The following SESN3 variants were observed in gnomAD, a reference collection of about 807,000 sequenced individuals.
The protein encoded by SESN3 is sestrin 3, also known as sestrin-3.
A neutral mutation model predicts 55.3 loss-of-function variants in SESN3; 21 were observed. The observed-to-expected ratio is 0.38, with a 90% CI of 0.27 to 0.55. SESN3 has a LOEUF of 0.55. Among genes scored for constraint, SESN3 ranks in the 20% least tolerant of loss-of-function variants. The pLI, the probability that SESN3 is intolerant of heterozygous loss-of-function variation, is 0.76. For missense variants in SESN3, 408 were observed against 604.3 expected (o/e 0.68, Z 3.41); for synonymous variants, 181 against 203.1 (o/e 0.89, Z 0.93).
chr11:95,170,952 AAC>A lies in SESN3; in HGVS notation c.*2301_*2302del, dbSNP rs1859838586. 6.6e-6 allele frequency: 1 copy of A among 152,190 alleles called. No homozygotes were observed. The highest frequency in any genetic ancestry group is 2.1e-4 in the South Asian group (1 of 4,828). 9.4% of individuals were successfully genotyped at this position (152,190 alleles called of 1,614,324 possible). A position where few individuals can be genotyped will look rare whatever the true frequency, so the allele number is the denominator to read the frequency against. On this transcript the variant is annotated 3_prime_UTR_variant, in exon 10 of 10. Coordinates refer to ENST00000536441, the MANE Select transcript of SESN3 (RefSeq NM_144665.4). ...ACTTACATTTCCAGGGAAAAAAATA[AAC>A]ACAAACTAAGTGGCCATTTTAGTTA...
At position 95,189,944 on chromosome 11, in the gene SESN3, C is replaced by G. The variant is rs1591055502; in HGVS notation, c.360G>C (p.Gln120His). The G allele has an allele frequency of 6.2e-7, 1 of 1,605,502 alleles. No homozygotes were observed. The highest frequency in any genetic ancestry group is 8.5e-7 in the Non-Finnish European group (1 of 1,176,446). Residue 120 changes from glutamine (Q) to histidine (H), a missense_variant, in exon 4 of 10, where the codon CAG becomes CAC. By Grantham distance (24) the Gln-to-His change is conservative. Coordinates refer to ENST00000536441, the MANE Select transcript of SESN3 (RefSeq NM_144665.4). The stretch of plus-strand genomic sequence containing the variant: ...CATGCATGTTTATTAAGTAAGAACA[C>G]TGATGTCTAGCTGCAGCCTAAAGCA... The part of the protein sequence containing the change: ...YIAIMAAARH[Q>H]CSYLINMHVD...
intron 9 of SESN3, among the ~76,000 whole-genome samples, chr11:95,173,705 T>A (rs1286880334): frequency 6.6e-6 from 1 of 151,974 alleles, no homozygotes; most frequent in Non-Finnish European, 1.5e-5. Flanking sequence ...TTTTTTTTTT[T>A]AACAGTTTAT....
intron 1 of SESN3, among the ~76,000 whole-genome samples, chr11:95,227,494 A>G (rs952072150): frequency 2.0e-5 from 3 of 152,006 alleles, no homozygotes; most frequent in Admixed American, 6.6e-5. Context: ...GTAAGCCACC[A>G]TGCCCGGTCC....
intron 1 of SESN3, among the ~76,000 whole-genome samples, chr11:95,210,017 C>CAAAAAAAAAAAAAAAAAAAAAAAAAAA: frequency 1.7e-5 from 1 of 60,186 alleles, no homozygotes; most frequent in Non-Finnish European, 3.0e-5. Flanking sequence ...AACTCCATCT[C>CAAAAAAAAAAAAAAAAAAAAAAAAAAA]AAAAAAAAAA....
chr11:95,174,597 C>A (rs1591043412), intron 9 of SESN3, among the ~76,000 whole-genome samples: 1 of 152,190 alleles, frequency 6.6e-6, no homozygotes, highest in East Asian at 1.9e-4. Context: ...GATTCTCCTG[C>A]CTCAGATTCC....
rs1859763737 is a variant in SESN3 at position 95,167,060 on chromosome 11, T to C, written c.*6195A>G. On this transcript the variant is annotated 3_prime_UTR_variant, in exon 10 of 10. Transcript: ENST00000536441. ...ATTTCTTTTTTCTTTTAATCCTTCC[T>C]TATCAGACTTGGGGAGCCAGTTGAA... 6.6e-6 allele frequency: 1 copy of C among 152,194 alleles called. No homozygotes were observed. The highest frequency in any genetic ancestry group is 2.4e-5 in the African/African-American group (1 of 41,456). 9.4% of individuals were successfully genotyped at this position (152,194 alleles called of 1,614,324 possible).
chr11:95,203,231 T>C (rs1287339248), intron 1 of SESN3, among the ~76,000 whole-genome samples: 1 of 152,084 alleles, frequency 6.6e-6, no homozygotes, highest in Non-Finnish European at 1.5e-5. Flanking sequence ...AACACAATGA[T>C]AAAATACAAG....
At position 95,216,750 on chromosome 11, in the gene SESN3, G is replaced by A. The variant is rs182840791; in HGVS notation, c.78+14033C>T. Among the ~76,000 whole-genome samples, 624 of 151,438 alleles carry A rather than the reference G, an allele frequency of 4.1e-3. 4 individuals carry two copies. The highest frequency in any genetic ancestry group is 7.2e-3 in the Non-Finnish European group (486 of 67,852). On this transcript the variant is annotated intron_variant, in intron 1 of 9. Transcript: ENST00000536441. ...TAGATATTAGCAATAATTAGTAAAG[G>A]AGGCAAGATAAAAAAAAAAAACCAC...
chr11:95,178,797 A>G lies in SESN3; in HGVS notation c.969T>C (p.Asp323=). 6.2e-7 allele frequency: 1 copy of G among 1,608,850 alleles called. No homozygotes were observed. Among genetic ancestry groups the G allele is most frequent in the Non-Finnish European group, 8.5e-7 (1 of 1,175,350 alleles). ...DFEDDMIITS[D]VSRYIEDPGF... is the part of the protein sequence containing the mutation. Reference sequence around the variant, plus strand: ...CAGGGTCTTCAATATATCGAGAGACATCAGATGTTATAATCATGTCATCCT... The same window carrying G: ...CAGGGTCTTCAATATATCGAGAGACGTCAGATGTTATAATCATGTCATCCT... The change falls in exon 7 of 10, where the codon GAT becomes GAC. Residue 323 remains aspartate, a synonymous_variant. Coordinates refer to ENST00000536441, the MANE Select transcript of SESN3 (RefSeq NM_144665.4).
At position 95,169,476 on chromosome 11, in the gene SESN3, A is replaced by C. The variant is rs1218111705; in HGVS notation, c.*3779T>G. ...GTCCATGTTAAGACCATCTCTTTGC[A>C]TAAAAGCAGTTCTATTAAAGAGAAG... On this transcript the variant is annotated 3_prime_UTR_variant, in exon 10 of 10. Coordinates refer to ENST00000536441, the MANE Select transcript of SESN3 (RefSeq NM_144665.4). 1 of 152,258 alleles carries C rather than the reference A, an allele frequency of 6.6e-6. No individual in the cohort carries two copies. The highest frequency in any genetic ancestry group is 1.5e-5 in the Non-Finnish European group (1 of 68,036). 9.4% of individuals were successfully genotyped at this position (152,258 alleles called of 1,614,324 possible). A position where few individuals can be genotyped will look rare whatever the true frequency, so the allele number is the denominator to read the frequency against.
chr11:95,211,397 A>G (rs1328870229), intron 1 of SESN3, among the ~76,000 whole-genome samples: 2 of 152,226 alleles, frequency 1.3e-5, no homozygotes, highest in Non-Finnish European at 2.9e-5. Context: ...CTCCCACAGC[A>G]GTGGGTGAAT....
At position 95,185,486 on chromosome 11, in the gene SESN3, C is replaced by G. The variant is rs1331560520; in HGVS notation, c.532G>C (p.Val178Leu). ...LITKEHIQKL[V>L]KTGENNWSLP... is the part of the protein sequence containing the mutation. ...GACCAATTATTTTCTCCAGTTTTGACAAGTTTCTGAAATAAGAAAGCAAAT... is the reference window on the plus strand; with the variant it reads ...GACCAATTATTTTCTCCAGTTTTGAGAAGTTTCTGAAATAAGAAAGCAAAT... Residue 178 changes from valine to leucine, a missense_variant, in exon 5 of 10, where the codon GTC (valine) becomes CTC (leucine). This residue lies in a region of SESN3 where 107 missense variants were observed against 211.3 expected (regional missense o/e 0.51). Transcript: ENST00000536441. 5 of 1,603,762 alleles carry G rather than the reference C, an allele frequency of 3.1e-6. No individual in the cohort carries two copies. The Admixed American group carries it at 8.4e-5, about 27-fold the overall frequency.
At chr11:95,190,287 A>G (rs1860242879) in intron 3 of SESN3, among the ~76,000 whole-genome samples, 1 of 151,976 alleles carries the variant, frequency 6.6e-6, no homozygotes, top group South Asian at 2.1e-4. Context: ...ATTACATTCT[A>G]CTTAAAACAT....
At chr11:95,209,686 T>C (rs1029596836) in intron 1 of SESN3, among the ~76,000 whole-genome samples, 3 of 151,250 alleles carry the variant, frequency 2.0e-5, no homozygotes, top group Non-Finnish European at 4.4e-5. Context: ...AAAGAAAATG[T>C]GGCACATATA....
Position 95,203,041 on chromosome 11 carries a change from C to A in SESN3, c.79-9519G>T, listed in dbSNP as rs371183234. On this transcript the variant is annotated intron_variant, in intron 1 of 9. Transcript: ENST00000536441. ...AGTCGATGGTTGATAGTTACTAGTA[C>A]TTTTGGAGAAACAAAAATATGCTGT... Among the ~76,000 whole-genome samples, 16 of 152,162 alleles carry A rather than the reference C, an allele frequency of 1.1e-4. No homozygotes were observed. The East Asian group carries it at 1.2e-3, about 11-fold the overall frequency.
At chr11:95,195,851 G>A (rs571358397) in intron 1 of SESN3, among the ~76,000 whole-genome samples, 3 of 152,182 alleles carry the variant, frequency 2.0e-5, no homozygotes, top group East Asian at 3.9e-4. Context: ...TATTTTCATC[G>A]GCTGAGAAAA....
At chr11:95,203,174 G>A (rs933770345) in intron 1 of SESN3, among the ~76,000 whole-genome samples, 1 of 151,870 alleles carries the variant, frequency 6.6e-6, no homozygotes, top group East Asian at 1.9e-4. Flanking sequence ...AAGGCTTTAG[G>A]TTATTCCAAT....
intron 1 of SESN3, among the ~76,000 whole-genome samples, chr11:95,225,865 T>G (rs1158878878): frequency 6.6e-6 from 1 of 152,172 alleles, no homozygotes; most frequent in African/African-American, 2.4e-5. Flanking sequence ...AAGCACAATT[T>G]TCCTTAACTC....
At chr11:95,199,501 C>T (rs1048280501) in intron 1 of SESN3, among the ~76,000 whole-genome samples, 11 of 151,902 alleles carry the variant, frequency 7.2e-5, no homozygotes, top group East Asian at 3.8e-4. Flanking sequence ...AACAGCTAAG[C>T]AACTTATTAG....
Sources: allele counts gnomAD v4.1 joint callset (sites outside exome capture counted in the v4.1 genomes callset), GRCh38; gene constraint gnomAD v4.1.1; regional missense constraint gnomAD v4.1.1; transcripts MANE v1.5; gene names NCBI Gene and HGNC (gene_info 2026-07-23, HGNC 2026-07-21).